Variants in ADGRB3 observed in about 807,000 individuals in gnomAD.
The protein encoded by ADGRB3 is brain-specific angiogenesis inhibitor 3.
Under a neutral mutation model 193.4 loss-of-function variants are expected in ADGRB3, and 37 were observed. That is an observed-to-expected ratio of 0.19 (90% CI 0.15 to 0.25). The LOEUF is 0.25. Among genes scored for constraint, ADGRB3 ranks in the 10% least tolerant of loss-of-function variants. ADGRB3 has a pLI of 1.00. For synonymous variants in ADGRB3, 690 were observed against 644.2 expected, an observed-to-expected ratio of 1.07 and a Z score of -1.08; for missense variants, 1,637 against 1,852.9, an observed-to-expected ratio of 0.88 and a Z score of 2.14.
At chr6:69,311,910 C>A (rs1200124967) in intron 20 of ADGRB3, among the ~76,000 whole-genome samples, 1 of 151,824 alleles carries the variant, frequency 6.6e-6, no homozygotes, top group Non-Finnish European at 1.5e-5. Context: ...CCTACATCCT[C>A]TTTTGCAGCT....
intron 3 of ADGRB3, among the ~76,000 whole-genome samples, chr6:68,800,144 G>A (rs1446348262): frequency 6.6e-6 from 1 of 152,086 alleles, no homozygotes; most frequent in Non-Finnish European, 1.5e-5. Context: ...AAGATAGTGA[G>A]GAATTGAAGA....
intron 29 of ADGRB3, among the ~76,000 whole-genome samples, chr6:69,371,611 A>G (rs1373311408): frequency 6.6e-6 from 1 of 152,138 alleles, no homozygotes; most frequent in Non-Finnish European, 1.5e-5. Flanking sequence ...ACTTTATACT[A>G]ATATCATGAA....
rs1769983059 is a variant in ADGRB3, at chr6:69,382,942, A to G, written c.4380+7A>G. ...ACCAAATACAAGCAGTATGGTAAGT[A>G]TGCTTTGCTTCAATGCCTGAGTAGA... On this transcript the variant is annotated splice_region_variant and intron_variant, in intron 31 of 31. Transcript: ENST00000370598. 3.2e-6 allele frequency: 5 copies of G among 1,572,304 alleles called. No individual in the cohort carries two copies. The highest frequency in any genetic ancestry group is 3.5e-6 in the Non-Finnish European group (4 of 1,146,472).
At chr6:68,986,692 A>T (rs1191660378) in intron 10 of ADGRB3, among the ~76,000 whole-genome samples, 1 of 152,182 alleles carries the variant, frequency 6.6e-6, no homozygotes, top group Non-Finnish European at 1.5e-5. Flanking sequence ...TGCTTTATGA[A>T]AAAAGCTCTA....
chr6:68,910,691 T>G (rs1396193462), intron 3 of ADGRB3, among the ~76,000 whole-genome samples: 1 of 152,196 alleles, frequency 6.6e-6, no homozygotes, highest in Non-Finnish European at 1.5e-5. Context: ...GTTTTTGTCA[T>G]GTTTGTCAAA....
intron 20 of ADGRB3, among the ~76,000 whole-genome samples, chr6:69,305,664 A>C (rs964330842): frequency 1.3e-5 from 2 of 151,208 alleles, no homozygotes; most frequent in Non-Finnish European, 2.9e-5. Context: ...ACCTACAGCC[A>C]TGGTGACGTT....
chr6:68,805,393 A>G (rs1027727575), intron 3 of ADGRB3, among the ~76,000 whole-genome samples: 1 of 152,210 alleles, frequency 6.6e-6, no homozygotes, highest in Non-Finnish European at 1.5e-5. Context: ...CTGGTAGTCC[A>G]TTACTCTTCT....
At chr6:68,846,394 G>A (rs1768275128) in intron 3 of ADGRB3, among the ~76,000 whole-genome samples, 1 of 152,224 alleles carries the variant, frequency 6.6e-6, no homozygotes, top group Non-Finnish European at 1.5e-5. Context: ...CCAAGATTAT[G>A]GGGAAAATGT....
At chr6:68,768,141 AT>A (rs1307078444) in intron 3 of ADGRB3, among the ~76,000 whole-genome samples, 1 of 152,168 alleles carries the variant, frequency 6.6e-6, no homozygotes, top group African/African-American at 2.4e-5. Flanking sequence ...ATTCAATGAT[AT>A]CCCCATCAAG....
chr6:68,912,164 C>T (rs1439645728), intron 3 of ADGRB3, among the ~76,000 whole-genome samples: 1 of 151,894 alleles, frequency 6.6e-6, no homozygotes, highest in African/African-American at 2.4e-5. Flanking sequence ...AGCTTGGATT[C>T]AGAAAACCTT....
At chr6:68,920,292 T>C (rs1287837173) in intron 3 of ADGRB3, among the ~76,000 whole-genome samples, 1 of 151,850 alleles carries the variant, frequency 6.6e-6, no homozygotes, top group Non-Finnish European at 1.5e-5. Flanking sequence ...CCGAGGCAGG[T>C]GGATCACCTG....
intron 11 of ADGRB3, among the ~76,000 whole-genome samples, chr6:68,995,903 TA>T (rs1714492743): frequency 6.6e-6 from 1 of 152,210 alleles, no homozygotes; most frequent in Non-Finnish European, 1.5e-5. Context: ...AAAGAATTTT[TA>T]TCTCTTGTAT....
intron 3 of ADGRB3, among the ~76,000 whole-genome samples, chr6:68,878,238 A>T (rs1327327647): frequency 6.6e-6 from 1 of 151,754 alleles, no homozygotes; most frequent in Non-Finnish European, 1.5e-5. Flanking sequence ...AGTTCAGAGG[A>T]TTTTATTTTG....
intron 3 of ADGRB3, among the ~76,000 whole-genome samples, chr6:68,650,194 G>A (rs184351254): frequency 1.5e-3 from 225 of 152,220 alleles, no homozygotes; most frequent in Middle Eastern, 6.8e-3. Flanking sequence ...TATCCCTTTT[G>A]CAGATGGGCG....
chr6:69,359,323 A>AGAT (rs1769397553), intron 28 of ADGRB3, among the ~76,000 whole-genome samples: 1 of 151,574 alleles, frequency 6.6e-6, no homozygotes, highest in Non-Finnish European at 1.5e-5. Flanking sequence ...CCTGGAAATT[A>AGAT]CAACTCATTA....
intron 13 of ADGRB3, among the ~76,000 whole-genome samples, chr6:69,029,387 C>A (rs1292292813): frequency 2.0e-5 from 3 of 152,156 alleles, no homozygotes; most frequent in Non-Finnish European, 2.9e-5. Flanking sequence ...CTTCAGTCTC[C>A]ATCCCTTCAG....
chr6:69,063,073 A>G, intron 16 of ADGRB3, 37 bp downstream of exon 16: 1 of 1,462,438 alleles, frequency 6.8e-7, no homozygotes, highest in Non-Finnish European at 9.6e-7. Flanking sequence ...TTGCTTATGG[A>G]ATTACCTTTC....
At chr6:69,244,239 G>C (rs979481093) in intron 20 of ADGRB3, among the ~76,000 whole-genome samples, 2 of 151,712 alleles carry the variant, frequency 1.3e-5, no homozygotes, top group Non-Finnish European at 1.5e-5. Context: ...ACTTCATCTT[G>C]TGGTTATTTA....
At chr6:68,673,941 AGT>A (rs1349019950) in intron 3 of ADGRB3, among the ~76,000 whole-genome samples, 1 of 152,114 alleles carries the variant, frequency 6.6e-6, no homozygotes, top group Non-Finnish European at 1.5e-5. Context: ...TTACTGGAAG[AGT>A]TGCCAAAATT....
Sources: gnomAD v4.1 joint callset for allele counts (sites outside exome capture counted in the v4.1 genomes callset) on GRCh38, gnomAD v4.1.1 for gene constraint, MANE v1.5 for transcripts, NCBI Gene and HGNC (gene_info 2026-07-23, HGNC 2026-07-21) for gene names.